Variants in LRRK1 observed in about 807,000 individuals in gnomAD.
The protein encoded by LRRK1 is leucine rich repeat kinase 1, also known as leucine-rich repeat serine/threonine-protein kinase 1.
Under a neutral mutation model 209.1 loss-of-function variants are expected in LRRK1, and 113 were observed. The ratio of observed to expected loss-of-function variants is 0.54; its 90% CI spans 0.46 to 0.63. LRRK1 has a LOEUF of 0.63. Ranked by LOEUF, LRRK1 falls within the 30% of genes least tolerant of loss-of-function variation. The pLI, the probability that LRRK1 is intolerant of heterozygous loss-of-function variation, is 0.00. For missense variants in LRRK1, 2,284 were observed against 2,632.2 expected (o/e 0.87, Z 2.89); for synonymous variants, 1,144 against 1,099.7 (o/e 1.04, Z -0.80).
intron 6 of LRRK1, among the ~76,000 whole-genome samples, chr15:101,006,621 C>T (rs571519512): frequency 6.4e-5 from 8 of 124,600 alleles, no homozygotes; most frequent in South Asian, 4.7e-4. Flanking sequence ...GATAATTATA[C>T]GGCTGTTGTG....
intron 3 of LRRK1, among the ~76,000 whole-genome samples, chr15:100,979,144 TTATCA>T (rs1393163536): frequency 3.3e-5 from 5 of 152,164 alleles, no homozygotes; most frequent in African/African-American, 1.2e-4. Flanking sequence ...AAAAGTTACC[TTATCA>T]TATCAATTGA....
At chr15:100,927,776 C>A (rs558112702) in intron 2 of LRRK1, among the ~76,000 whole-genome samples, 4 of 152,296 alleles carry the variant, frequency 2.6e-5, no homozygotes, top group Admixed American at 2.6e-4. Context: ...CTAATTTATA[C>A]CCATACTCAG....
chr15:100,928,665 T>G (rs2042156083), intron 2 of LRRK1, among the ~76,000 whole-genome samples: 2 of 152,284 alleles, frequency 1.3e-5, no homozygotes, highest in South Asian at 4.1e-4. Flanking sequence ...GAGTGTCTAC[T>G]CTTGGGTGTT....
At chr15:100,926,897 C>T (rs912266910) in intron 2 of LRRK1, among the ~76,000 whole-genome samples, 4 of 152,096 alleles carry the variant, frequency 2.6e-5, no homozygotes, top group African/African-American at 9.7e-5. Flanking sequence ...GTTGGCCAGG[C>T]TGGTCTAGAA....
At chr15:100,971,259 G>A (rs1212343367) in intron 2 of LRRK1, among the ~76,000 whole-genome samples, 4 of 151,488 alleles carry the variant, frequency 2.6e-5, no homozygotes, top group African/African-American at 9.7e-5. Flanking sequence ...ACTTGAACCC[G>A]GGAGGTGGAG....
At chr15:100,981,494 C>T (rs934452018) in intron 3 of LRRK1, among the ~76,000 whole-genome samples, 3 of 152,158 alleles carry the variant, frequency 2.0e-5, no homozygotes, top group African/African-American at 7.2e-5. Context: ...TGTTCCTCTC[C>T]TCACGTGTCA....
At chr15:100,933,284 C>A (rs73482805) in intron 2 of LRRK1, among the ~76,000 whole-genome samples, 8,036 of 152,242 alleles carry the variant, frequency 0.053, 580 homozygotes, top group African/African-American at 0.17. Context: ...GCTTGGTCTT[C>A]CAAAATTTTC....
chr15:101,058,131 G>T lies in LRRK1; in HGVS notation c.4669G>T (p.Glu1557Ter). 6.2e-7 allele frequency: 1 copy of T among 1,614,144 alleles called. No homozygotes were observed. The highest frequency in any genetic ancestry group is 8.5e-7 in the Non-Finnish European group (1 of 1,180,024). Reference protein sequence around the residue: ...EYTVVFWDGKEESRNYTVVNT... With the variant: ...EYTVVFWDGK ...CACCGTGGTGTTTTGGGATGGAAAA[G>T]AGGAGTCCAGGTAAGCTCCTGCGGG... Residue 1557 changes from glutamate to a stop codon, truncating the protein, a stop_gained, in exon 29 of 34, where the codon GAG becomes TAG. Transcript: ENST00000388948. LOFTEE classifies it high-confidence loss of function.
At chr15:100,967,996 A>T (rs545845351) in intron 2 of LRRK1, among the ~76,000 whole-genome samples, 2 of 152,324 alleles carry the variant, frequency 1.3e-5, no homozygotes, top group East Asian at 1.9e-4. Flanking sequence ...CTCCAGTGAG[A>T]TATAGAACCA....
At position 101,053,435 on chromosome 15, in the gene LRRK1, C is replaced by T. The variant is rs1157678021; in HGVS notation, c.4054+15C>T. 3.2e-6 allele frequency: 5 copies of T among 1,556,794 alleles called. No homozygotes were observed. Among genetic ancestry groups the T allele is most frequent in the Non-Finnish European group, 4.3e-6 (5 of 1,156,138 alleles). On this transcript the variant is annotated intron_variant, in intron 26 of 33. Coordinates refer to ENST00000388948, the MANE Select transcript of LRRK1 (RefSeq NM_024652.6). ...GAACGCCAGAGGTACCGCGGCGCGC[C>T]GCCCCACCCGGCCCCGGAGACCGAC...
chr15:101,008,484 C>T (rs1429435567), intron 6 of LRRK1, among the ~76,000 whole-genome samples: 2 of 152,154 alleles, frequency 1.3e-5, no homozygotes, highest in African/African-American at 4.8e-5. Flanking sequence ...CTGGACGCTT[C>T]AGCGGTCTCC....
chr15:100,995,612 C>T (rs114810873), intron 6 of LRRK1, among the ~76,000 whole-genome samples: 28 of 152,238 alleles, frequency 1.8e-4, no homozygotes, highest in African/African-American at 6.3e-4. Flanking sequence ...TGTTTAGCTG[C>T]GTTGCCATGA....
chr15:100,974,035 G>T, intron 3 of LRRK1, 68 bp downstream of exon 3: 1 of 1,193,522 alleles, frequency 8.4e-7, no homozygotes, highest in Non-Finnish European at 1.1e-6. Flanking sequence ...CCGCTCAGAT[G>T]ATTTTCTCGT....
intron 2 of LRRK1, among the ~76,000 whole-genome samples, chr15:100,953,558 G>A (rs1451257855): frequency 6.6e-6 from 1 of 150,608 alleles, no homozygotes; most frequent in South Asian, 2.1e-4. Flanking sequence ...ATGTATATAA[G>A]CCATATTTTC....
intron 23 of LRRK1, among the ~76,000 whole-genome samples, chr15:101,050,403 G>C (rs1034967541): frequency 2.6e-5 from 4 of 152,208 alleles, no homozygotes; most frequent in Non-Finnish European, 5.9e-5. Context: ...TCCCAGAGCA[G>C]CCTGCCAGGG....
intron 1 of LRRK1, among the ~76,000 whole-genome samples, chr15:100,920,564 A>G (rs2042002684): frequency 6.6e-6 from 1 of 152,140 alleles, no homozygotes; most frequent in Non-Finnish European, 1.5e-5. Context: ...GTGACCTCGC[A>G]GTCAACTCGG....
chr15:100,950,634 G>T (rs564016207), intron 2 of LRRK1, among the ~76,000 whole-genome samples: 1 of 152,294 alleles, frequency 6.6e-6, no homozygotes, highest in East Asian at 1.9e-4. Context: ...AGGAAAAATA[G>T]GTAGTAAGTT....
rs2033822416 is a variant in LRRK1 at position 101,022,121 on chromosome 15, T to C, written c.1852+164T>C. On this transcript the variant is annotated intron_variant, in intron 14 of 33. Coordinates refer to ENST00000388948, the MANE Select transcript of LRRK1 (RefSeq NM_024652.6). The surrounding 1 kb of genome is among the most constrained non-coding windows in gnomAD (Gnocchi z 4.0). ...AAATTGTCCCTAAAGCAATCGTTACTGAGGGTCACTATACTGAGAAGGACC... is the reference window on the plus strand; with the variant it reads ...AAATTGTCCCTAAAGCAATCGTTACCGAGGGTCACTATACTGAGAAGGACC... 6.6e-6 allele frequency among the ~76,000 whole-genome samples: 1 copy of C among 152,192 alleles called. No homozygotes were observed. Among genetic ancestry groups the C allele is most frequent in the Non-Finnish European group, 1.5e-5 (1 of 68,032 alleles).
At chr15:100,958,693 G>C (rs537450234) in intron 2 of LRRK1, among the ~76,000 whole-genome samples, 1 of 152,316 alleles carries the variant, frequency 6.6e-6, no homozygotes, top group African/African-American at 2.4e-5. Context: ...CTCGGGGTCA[G>C]GCAGTGTTCT....
Sources: gnomAD v4.1 joint callset for allele counts (sites outside exome capture counted in the v4.1 genomes callset) on GRCh38, gnomAD v4.1.1 for gene constraint, Gnocchi (gnomAD v3.1) non-coding constraint, MANE v1.5 for transcripts, NCBI Gene and HGNC (gene_info 2026-07-23, HGNC 2026-07-21) for gene names.